SPOP: variants seen among roughly 807,000 people sequenced by gnomAD.
The protein encoded by SPOP is speckle type BTB/POZ protein.
SPOP carries 11 observed loss-of-function variants against 45.6 expected under a neutral mutation model. The observed-to-expected ratio is 0.24, with a 90% confidence interval of 0.15 to 0.40. The LOEUF is 0.40. Among genes scored for constraint, SPOP ranks in the 10% least tolerant of loss-of-function variants. SPOP has a pLI of 1.00. For missense variants in SPOP, 152 were observed against 465.6 expected (o/e 0.33, Z 6.20); for synonymous variants, 166 against 166.3 (o/e 1.00, Z 0.01).
Position 49,677,913 on chromosome 17 carries a change from ACT to A in SPOP, c.-67+18_-67+19del, listed in dbSNP as rs2073226338. 1.9e-5 allele frequency: 1 copy of A among 52,802 alleles called. No individual in the cohort carries two copies. The highest frequency in any genetic ancestry group is 6.4e-4 in the South Asian group (1 of 1,566). The allele number at this position is 52,802 out of a possible 1,614,324, so 3.3% of individuals were successfully genotyped here. On this transcript the variant is annotated intron_variant, in intron 1 of 9. Transcript: ENST00000504102. ...TCCGACAGGACAACCCCCTCCCTCG[ACT>A]CTCCTCCCCCCACTCACCTGAGAGC...
chr17:49,635,632 CT>C (rs11451249), intron 1 of SPOP, among the ~76,000 whole-genome samples: 127 of 121,644 alleles, frequency 1.0e-3, no homozygotes, highest in East Asian at 1.6e-3. Context: ...AGGTATCTCT[CT>C]TTTTTTTTTT....
intron 1 of SPOP, among the ~76,000 whole-genome samples, chr17:49,624,510 C>A (rs906394543): frequency 1.3e-5 from 2 of 152,050 alleles, no homozygotes; most frequent in Admixed American, 1.3e-4. Context: ...ACTTTGTAAC[C>A]CAGGCTGCAG....
At chr17:49,635,632 CTTTTTTTTT>C (rs11451249) in intron 1 of SPOP, among the ~76,000 whole-genome samples, 2 of 121,654 alleles carry the variant, frequency 1.6e-5, no homozygotes. Context: ...AGGTATCTCT[CTTTTTTTTT>C]TTTTTTTTTT....
At chr17:49,674,979 G>A (rs916432531) in intron 1 of SPOP, among the ~76,000 whole-genome samples, 4 of 152,134 alleles carry the variant, frequency 2.6e-5, no homozygotes, top group African/African-American at 9.7e-5. Context: ...TAAAATCTTA[G>A]ATAAAAGACT....
At chr17:49,650,198 T>C (rs2072823477) in intron 1 of SPOP, among the ~76,000 whole-genome samples, 1 of 152,162 alleles carries the variant, frequency 6.6e-6, no homozygotes, top group Non-Finnish European at 1.5e-5. Flanking sequence ...GCCCATAGTT[T>C]ACTTTCTATC....
At chr17:49,624,394 TG>T (rs1466111001) in intron 1 of SPOP, among the ~76,000 whole-genome samples, 1 of 151,802 alleles carries the variant, frequency 6.6e-6, no homozygotes, top group Non-Finnish European at 1.5e-5. Context: ...ATATGTTAAT[TG>T]GTTTGATTAT....
chr17:49,620,405 T>C (rs1294390006), intron 3 of SPOP, among the ~76,000 whole-genome samples: 1 of 150,820 alleles, frequency 6.6e-6, no homozygotes, highest in African/African-American at 2.4e-5. Context: ...GAGGCAGAGG[T>C]TGCAGTGAGC....
At chr17:49,661,865 T>C (rs1200667596) in intron 1 of SPOP, among the ~76,000 whole-genome samples, 3 of 151,726 alleles carry the variant, frequency 2.0e-5, no homozygotes, top group Non-Finnish European at 4.4e-5. Flanking sequence ...AGTACAAAAT[T>C]AGCCGGGCAT....
intron 1 of SPOP, among the ~76,000 whole-genome samples, chr17:49,674,346 T>C (rs1008971487): frequency 2.6e-5 from 4 of 152,276 alleles, no homozygotes; most frequent in Middle Eastern, 3.4e-3. Context: ...GGCTTTTTCT[T>C]TGATGGGAGA....
At chr17:49,658,894 G>T (rs901549849) in intron 1 of SPOP, among the ~76,000 whole-genome samples, 2 of 152,186 alleles carry the variant, frequency 1.3e-5, no homozygotes, top group Non-Finnish European at 2.9e-5. Context: ...CCTTAGCAAA[G>T]ATCTGCTTGC....
intron 1 of SPOP, among the ~76,000 whole-genome samples, chr17:49,640,981 G>A (rs1465464428): frequency 6.6e-6 from 1 of 152,056 alleles, no homozygotes; most frequent in Non-Finnish European, 1.5e-5. Context: ...ATGAATTCCT[G>A]GCTGAGCGTG....
chr17:49,650,186 C>T (rs1322474623), intron 1 of SPOP, among the ~76,000 whole-genome samples: 4 of 152,130 alleles, frequency 2.6e-5, no homozygotes, highest in Admixed American at 2.6e-4. Flanking sequence ...CTACCGCACC[C>T]AGCCCATAGT....
At chr17:49,659,665 C>G (rs182559625) in intron 1 of SPOP, among the ~76,000 whole-genome samples, 91 of 152,322 alleles carry the variant, frequency 6.0e-4, no homozygotes, top group South Asian at 1.2e-3. Context: ...TCAAGACCAT[C>G]AACAAGCGGA....
chr17:49,641,901 T>C (rs561293033), intron 1 of SPOP, among the ~76,000 whole-genome samples: 43 of 152,074 alleles, frequency 2.8e-4, no homozygotes, highest in Non-Finnish European at 5.1e-4. Context: ...TTGGCACCTG[T>C]ACTCCCAGCT....
At chr17:49,614,038 T>TA (rs1038560512) in intron 5 of SPOP, among the ~76,000 whole-genome samples, 1 of 152,214 alleles carries the variant, frequency 6.6e-6, no homozygotes, top group African/African-American at 2.4e-5. Flanking sequence ...GTCTCACTTT[T>TA]AAAGTCAATC....
chr17:49,616,373 T>C (rs2072087179), intron 5 of SPOP, among the ~76,000 whole-genome samples: 1 of 152,196 alleles, frequency 6.6e-6, no homozygotes, highest in African/African-American at 2.4e-5. Flanking sequence ...GAGTGACGAA[T>C]GGGGCACTGG....
intron 1 of SPOP, among the ~76,000 whole-genome samples, chr17:49,632,124 T>C (rs1230322353): frequency 6.6e-6 from 1 of 152,218 alleles, no homozygotes; most frequent in African/African-American, 2.4e-5. Context: ...GGATCATTTT[T>C]CCCTAATGAG....
At chr17:49,645,466 A>AT (rs987925810) in intron 1 of SPOP, among the ~76,000 whole-genome samples, 26 of 148,542 alleles carry the variant, frequency 1.8e-4, no homozygotes, top group African/African-American at 3.7e-4. Context: ...CACCCAACTA[A>AT]TTTTTTTTTT....
At chr17:49,620,440 C>G (rs1430486816) in intron 3 of SPOP, among the ~76,000 whole-genome samples, 5 of 149,004 alleles carry the variant, frequency 3.4e-5, no homozygotes, top group African/African-American at 7.5e-5. Context: ...TGCACTCCAG[C>G]CTGGGCGATA....
Sources: gnomAD v4.1 joint callset for allele counts (sites outside exome capture counted in the v4.1 genomes callset) on GRCh38, gnomAD v4.1.1 for gene constraint, MANE v1.5 for transcripts, NCBI Gene and HGNC (gene_info 2026-07-23, HGNC 2026-07-21) for gene names.